The following IQGAP1 variants were observed in gnomAD, a reference collection of about 807,000 sequenced individuals.
IQGAP1 encodes ras GTPase-activating-like protein IQGAP1.
A neutral mutation model predicts 215.6 loss-of-function variants in IQGAP1; 66 were observed. The ratio of observed to expected loss-of-function variants is 0.31; its 90% CI spans 0.25 to 0.38. The LOEUF (loss-of-function observed/expected upper bound fraction) is 0.38. Among genes scored for constraint, IQGAP1 ranks in the 10% least tolerant of loss-of-function variants. The pLI, the probability that IQGAP1 is intolerant of heterozygous loss-of-function variation, is 1.00. For missense variants in IQGAP1, 1,712 were observed against 1,997.1 expected, an observed-to-expected ratio of 0.86 and a Z score of 2.72; for synonymous variants, 772 against 728.7, an observed-to-expected ratio of 1.06 and a Z score of -0.96.
At chr15:90,426,878 G>A (rs867817744) in intron 3 of IQGAP1, among the ~76,000 whole-genome samples, 5 of 151,184 alleles carry the variant, frequency 3.3e-5, no homozygotes, top group South Asian at 2.1e-4. Flanking sequence ...GCTTGAACCC[G>A]GGAGGCAGAG....
At chr15:90,403,930 C>T (rs1323931198) in intron 2 of IQGAP1, among the ~76,000 whole-genome samples, 1 of 152,214 alleles carries the variant, frequency 6.6e-6, no homozygotes, top group African/African-American at 2.4e-5. Flanking sequence ...CCGCCTTGGC[C>T]TCCCTAAGTG....
At chr15:90,413,402 C>T (rs1964996808) in intron 2 of IQGAP1, among the ~76,000 whole-genome samples, 1 of 152,166 alleles carries the variant, frequency 6.6e-6, no homozygotes, top group Non-Finnish European at 1.5e-5. Context: ...AGAAGGAACT[C>T]TGCAGAAGAA....
intron 2 of IQGAP1, among the ~76,000 whole-genome samples, chr15:90,404,180 G>T (rs1034992318): frequency 2.0e-5 from 3 of 152,166 alleles, no homozygotes; most frequent in African/African-American, 7.2e-5. Flanking sequence ...TGTAATTTCT[G>T]GGTCAAAGGG....
intron 28 of IQGAP1, among the ~76,000 whole-genome samples, 157 bp downstream of exon 28, chr15:90,482,438 A>G (rs1966072588): frequency 6.6e-6 from 1 of 152,194 alleles, no homozygotes; most frequent in East Asian, 1.9e-4. Context: ...GGTAAATGGT[A>G]CCTCTCTTAG....
chr15:90,430,573 A>G (rs1341404766), intron 4 of IQGAP1, among the ~76,000 whole-genome samples: 1 of 152,142 alleles, frequency 6.6e-6, no homozygotes, highest in African/African-American at 2.4e-5. Flanking sequence ...TTAAGTGGGG[A>G]AAAACGGTTG....
At chr15:90,444,402 T>C (rs1965498222) in intron 9 of IQGAP1, among the ~76,000 whole-genome samples, 1 of 151,976 alleles carries the variant, frequency 6.6e-6, no homozygotes. Context: ...CTGTTTCAAA[T>C]TCTCTAGTAG....
At position 90,492,549 on chromosome 15, in the gene IQGAP1, T is replaced by G; in HGVS notation, c.4466T>G (p.Ile1489Ser). The G allele has an allele frequency of 6.3e-7, 1 of 1,596,702 alleles. No homozygotes were observed. Among genetic ancestry groups the G allele is most frequent in the Non-Finnish European group, 8.5e-7 (1 of 1,174,854 alleles). The part of the protein sequence containing the change: ...QELINDIARD[I>S]RNQRRYRQRR... ...ACTTTAATAATTATGTCTCAGGATA[T>G]TCGGAATCAGCGGAGGTACCGACAG... The change falls in exon 35 of 38, where the codon ATT (isoleucine) becomes AGT (serine). Residue 1489 changes from isoleucine to serine, a missense_variant. Ile to Ser is a moderately radical substitution (Grantham distance 142). Around this residue, in one of 2 missense-constraint regions of IQGAP1, gnomAD observed 691 missense variants for 923.0 expected, o/e 0.75. Coordinates refer to ENST00000268182, the MANE Select transcript of IQGAP1 (RefSeq NM_003870.4).
chr15:90,482,363 T>G (rs562555791), intron 28 of IQGAP1, 82 bp downstream of exon 28: 12 of 1,317,196 alleles, frequency 9.1e-6, no homozygotes, highest in Non-Finnish European at 1.2e-5. Context: ...CATTACTAAC[T>G]GCCTAAGTGT....
intron 15 of IQGAP1, 128 bp from the exon 16 acceptor site, chr15:90,465,873 C>T: frequency 1.4e-6 from 1 of 733,506 alleles, no homozygotes. Context: ...TTGACTAACC[C>T]ACGTGTCTCA....
intron 14 of IQGAP1, among the ~76,000 whole-genome samples, chr15:90,455,502 A>G (rs1260977161): frequency 6.6e-6 from 1 of 152,192 alleles, no homozygotes; most frequent in East Asian, 1.9e-4. Context: ...ACGCTCCCCC[A>G]GAGACAAAGA....
rs747736337 is a variant in IQGAP1 at position 90,426,184 on chromosome 15, A to G, written c.230A>G (p.Tyr77Cys). 1.2e-6 allele frequency: 2 copies of G among 1,601,306 alleles called. No homozygotes were observed. The highest frequency in any genetic ancestry group is 1.8e-5 in the Admixed American group (1 of 57,036). ...ELEEGLRNGV[Y>C]LAKLGNFFSP... ...GAGGAGGGGCTTAGGAATGGGGTCT[A>G]CCTTGCCAAACTGGGGAACTTCTTC... Residue 77 changes from tyrosine (Y) to cysteine (C), a missense_variant, in exon 3 of 38, where the codon TAC becomes TGC. Tyr to Cys is a radical substitution (Grantham distance 194). Around this residue, in one of 2 missense-constraint regions of IQGAP1, gnomAD observed 1,021 missense variants for 1,074.2 expected, o/e 0.95. Transcript: ENST00000268182.
In IQGAP1 at chr15:90,472,924, C is replaced by T. The variant is rs1288348944; in HGVS notation, c.2263C>T (p.Arg755Cys). ...AGGCCTGATCACCAGGCTGCAGGCTCGCTGCCGTGGATACTTAGTTCGACA... is the reference window on the plus strand; with the variant it reads ...AGGCCTGATCACCAGGCTGCAGGCTTGCTGCCGTGGATACTTAGTTCGACA... ...NEGLITRLQA[R>C]CRGYLVRQEF... Residue 755 changes from arginine (R) to cysteine (C), a missense_variant, in exon 19 of 38, where the codon CGC (arginine) becomes TGC (cysteine). Coordinates refer to ENST00000268182, the MANE Select transcript of IQGAP1 (RefSeq NM_003870.4). The T allele has an allele frequency of 2.5e-6, 4 of 1,613,960 alleles. No individual in the cohort carries two copies. The highest frequency in any genetic ancestry group is 2.2e-5 in the East Asian group (1 of 44,880).
At chr15:90,443,909 C>A (rs555778830) in intron 9 of IQGAP1, among the ~76,000 whole-genome samples, 3 of 151,892 alleles carry the variant, frequency 2.0e-5, no homozygotes, top group African/African-American at 7.2e-5. Context: ...ACTAAAAATA[C>A]AAAAATTAGC....
chr15:90,395,390 G>T (rs1329316482), intron 2 of IQGAP1, among the ~76,000 whole-genome samples: 1 of 151,430 alleles, frequency 6.6e-6, no homozygotes, highest in African/African-American at 2.4e-5. Context: ...ACGCTATCTC[G>T]GCTCACTGCA....
intron 2 of IQGAP1, among the ~76,000 whole-genome samples, chr15:90,398,216 GA>G (rs1964754984): frequency 6.6e-6 from 1 of 152,006 alleles, no homozygotes; most frequent in African/African-American, 2.4e-5. Flanking sequence ...TCTGCAAAAG[GA>G]AAAGCAGATT....
At chr15:90,399,329 A>G (rs1287999395) in intron 2 of IQGAP1, among the ~76,000 whole-genome samples, 2 of 152,026 alleles carry the variant, frequency 1.3e-5, no homozygotes, top group South Asian at 4.1e-4. Flanking sequence ...TTAAAGTTCT[A>G]TTGCTTTGAT....
chr15:90,404,356 T>C (rs754557179), intron 2 of IQGAP1, among the ~76,000 whole-genome samples: 1 of 152,210 alleles, frequency 6.6e-6, no homozygotes, highest in Non-Finnish European at 1.5e-5. Context: ...GTTTCATAGG[T>C]GAAAATGGTA....
chr15:90,474,060 T>G lies in IQGAP1; in HGVS notation c.2506-4T>G. The G allele has an allele frequency of 1.2e-6, 2 of 1,613,292 alleles. No individual in the cohort carries two copies. Among genetic ancestry groups the G allele is most frequent in the Non-Finnish European group, 1.7e-6 (2 of 1,179,512 alleles). On this transcript the variant is annotated splice_region_variant and splice_polypyrimidine_tract_variant and intron_variant, in intron 21 of 37. Transcript: ENST00000268182. ...AGAGAAATTTCTTCTTTTTTGTTCC[T>G]TAGATAAATGACATTATCAAAATCC...
At chr15:90,424,806 T>C (rs1033795655) in intron 2 of IQGAP1, among the ~76,000 whole-genome samples, 5 of 151,064 alleles carry the variant, frequency 3.3e-5, no homozygotes, top group African/African-American at 1.2e-4. Flanking sequence ...ACCATTGCAC[T>C]CCAGCCTGGG....
Sources: allele counts gnomAD v4.1 joint callset (sites outside exome capture counted in the v4.1 genomes callset), GRCh38; gene constraint gnomAD v4.1.1; regional missense constraint gnomAD v4.1.1; transcripts MANE v1.5; gene names NCBI Gene and HGNC (gene_info 2026-07-23, HGNC 2026-07-21).